The following ZNF91 variants were observed in gnomAD, a reference collection of about 807,000 sequenced individuals.
The protein encoded by ZNF91 is zinc finger protein 91 (HPF7, HTF10).
Under a neutral mutation model 12.6 loss-of-function variants are expected in ZNF91, and 7 were observed. That is an observed-to-expected ratio of 0.55 (90% CI 0.31 to 1.04). The LOEUF is 1.04. Ranked by LOEUF, ZNF91 falls within the 50% of genes least tolerant of loss-of-function variation. The probability of loss-of-function intolerance (pLI) is 0.05; values close to 1 mark genes in which losing one functional copy is unlikely to be tolerated. For synonymous variants in ZNF91, 453 were observed against 462.6 expected (o/e 0.98, Z 0.27); for missense variants, 1,217 against 1,385.4 (o/e 0.88, Z 1.93).
chr19:23,363,457 T>TA (rs1177024680), intron 3 of ZNF91, among the ~76,000 whole-genome samples: 3 of 152,186 alleles, frequency 2.0e-5, no homozygotes, highest in Admixed American at 1.3e-4. Flanking sequence ...CAAAGTAACA[T>TA]AAGTAAACAC....
intron 3 of ZNF91, among the ~76,000 whole-genome samples, chr19:23,349,018 C>T (rs1968301005): frequency 6.6e-6 from 1 of 152,130 alleles, no homozygotes; most frequent in South Asian, 2.1e-4. Flanking sequence ...GAAATTCCAG[C>T]CTAGTGAATT....
intron 1 of ZNF91, among the ~76,000 whole-genome samples, chr19:23,321,375 C>T (rs1048976556): frequency 9.9e-5 from 15 of 152,114 alleles, no homozygotes; most frequent in African/African-American, 3.6e-4. Flanking sequence ...GACATTGTGA[C>T]ACATCACTCA....
Position 23,361,265 on chromosome 19 carries a change from T to A in ZNF91, c.1714A>T (p.Lys572Ter). 6.2e-7 allele frequency: 1 copy of A among 1,613,630 alleles called. No homozygotes were observed. Among genetic ancestry groups the A allele is most frequent in the Non-Finnish European group, 8.5e-7 (1 of 1,179,796 alleles). The change falls in exon 4 of 4, where the codon AAA (lysine) becomes TAA (stop). Residue 572 changes from lysine to a stop codon, truncating the protein, a stop_gained. Transcript: ENST00000300619. LOFTEE classifies it low-confidence loss of function (END_TRUNC). ...TTHKIIHAGK[K>*]LYKCEECGKA... ...CCACATTCTTCACATTTGTAGAGTT[T>A]CTTTCCAGCATGAATTATTTTATGT...
intron 3 of ZNF91, among the ~76,000 whole-genome samples, chr19:23,367,600 T>C (rs1027464442): frequency 2.6e-5 from 4 of 151,836 alleles, no homozygotes; most frequent in African/African-American, 4.8e-5. Flanking sequence ...CAAACACCCA[T>C]GGAAAAAAAA....
At chr19:23,321,249 G>A (rs965674824) in intron 1 of ZNF91, among the ~76,000 whole-genome samples, 8 of 152,256 alleles carry the variant, frequency 5.3e-5, no homozygotes, top group South Asian at 4.1e-4. Flanking sequence ...GAACCTAGGC[G>A]AGATGACTCT....
intron 3 of ZNF91, among the ~76,000 whole-genome samples, chr19:23,373,255 T>C (rs992253331): frequency 6.6e-5 from 10 of 151,230 alleles, no homozygotes; most frequent in Admixed American, 1.3e-4. Context: ...ACTCAAAGTA[T>C]GTGGAAGACA....
intron 1 of ZNF91, among the ~76,000 whole-genome samples, chr19:23,322,799 CCAT>C (rs1432172674): frequency 1.1e-4 from 9 of 82,792 alleles, no homozygotes; most frequent in African/African-American, 2.2e-4. Context: ...ACCTCCTCCT[CCAT>C]TTCTCCCCCA....
rs755703127 is a variant in ZNF91, at chr19:23,360,921, G to A, written c.2058C>T (p.Tyr686=). Reference sequence around the variant, plus strand: ...AAGTTTTGTCACATTCTTTACATTTGTAGGGTTTCTCTTCAGTATGAGTTA... The same window carrying A: ...AAGTTTTGTCACATTCTTTACATTTATAGGGTTTCTCTTCAGTATGAGTTA... ...HKITHTEEKP[Y]KCKECDKTFK... The change falls in exon 4 of 4, where the codon TAC becomes TAT. Residue 686 remains tyrosine, a synonymous_variant. Transcript: ENST00000300619. The A allele has an allele frequency of 5.6e-6, 9 of 1,605,186 alleles. No individual in the cohort carries two copies. The East Asian group carries it at 9.1e-5, about 16-fold the overall frequency.
chr19:23,349,924 G>A (rs903029262), intron 3 of ZNF91, among the ~76,000 whole-genome samples: 2 of 152,142 alleles, frequency 1.3e-5, no homozygotes, highest in African/African-American at 4.8e-5. Context: ...ACGGATCATC[G>A]AATATTAACA....
intron 3 of ZNF91, among the ~76,000 whole-genome samples, chr19:23,344,986 A>G (rs1968193207): frequency 6.6e-6 from 1 of 152,200 alleles, no homozygotes; most frequent in Non-Finnish European, 1.5e-5. Context: ...ACCTACCAGT[A>G]AGTATCCTGG....
chr19:23,353,284 T>A (rs1366803125), downstream of ZNF91, among the ~76,000 whole-genome samples: 1 of 152,112 alleles, frequency 6.6e-6, no homozygotes, highest in Non-Finnish European at 1.5e-5. Flanking sequence ...GGAATAAAAC[T>A]GGAAATCAAC....
intron 1 of ZNF91, among the ~76,000 whole-genome samples, chr19:23,393,063 G>GT (rs762788173): frequency 2.0e-5 from 3 of 150,950 alleles, no homozygotes; most frequent in Admixed American, 6.6e-5. Flanking sequence ...GTTTTTTTTT[G>GT]TTTTTTGTCT....
intron 3 of ZNF91, among the ~76,000 whole-genome samples, chr19:23,371,126 A>G (rs1969260495): frequency 1.3e-5 from 2 of 152,142 alleles, no homozygotes; most frequent in Non-Finnish European, 2.9e-5. Flanking sequence ...AGATCACCTG[A>G]GGTCAGGAGC....
intron 3 of ZNF91, among the ~76,000 whole-genome samples, chr19:23,350,260 CT>C (rs1253632634): frequency 2.0e-5 from 3 of 152,160 alleles, no homozygotes; most frequent in African/African-American, 7.2e-5. Flanking sequence ...CAGTCCAAAC[CT>C]GGAAGGGGTG....
chr19:23,354,649 G>A (rs1469991605), downstream of ZNF91, among the ~76,000 whole-genome samples: 1 of 151,986 alleles, frequency 6.6e-6, no homozygotes, highest in African/African-American at 2.4e-5. Context: ...AGAAATGAAG[G>A]GCATCCAAAT....
intron 1 of ZNF91, among the ~76,000 whole-genome samples, chr19:23,321,368 A>T (rs191969152): frequency 1.5e-3 from 232 of 152,210 alleles, no homozygotes; most frequent in Non-Finnish European, 2.4e-3. Context: ...CAGAAGGGAC[A>T]TTGTGACACA....
At chr19:23,336,471 T>A (rs1307483989), downstream of ZNF91, among the ~76,000 whole-genome samples, 1 of 152,226 alleles carries the variant, frequency 6.6e-6, no homozygotes, top group African/African-American at 2.4e-5. Flanking sequence ...ATTATGCAAA[T>A]GGAGCACTTG....
At chr19:23,322,074 C>G (rs771705479) in intron 1 of ZNF91, among the ~76,000 whole-genome samples, 2 of 152,208 alleles carry the variant, frequency 1.3e-5, no homozygotes, top group Non-Finnish European at 2.9e-5. Context: ...GCTTTGCTCA[C>G]CACCTACTTG....
intron 1 of ZNF91, among the ~76,000 whole-genome samples, chr19:23,388,980 G>T (rs1969970379): frequency 6.6e-6 from 1 of 152,208 alleles, no homozygotes. Context: ...GGGAACAACA[G>T]ACACTGACGC....
Sources: allele counts gnomAD v4.1 joint callset (sites outside exome capture counted in the v4.1 genomes callset), GRCh38; gene constraint gnomAD v4.1.1; transcripts MANE v1.5; gene names NCBI Gene and HGNC (gene_info 2026-07-23, HGNC 2026-07-21).